Variants in GCNT1 observed in about 807,000 individuals in gnomAD.
GCNT1 encodes the protein beta-1,3-galactosyl-O-glycosyl-glycoprotein beta-1,6-N-acetylglucosaminyltransferase.
Under a neutral mutation model 26.2 loss-of-function variants are expected in GCNT1, and 16 were observed. The observed-to-expected ratio is 0.61, with a 90% CI of 0.41 to 0.93. GCNT1 has a LOEUF of 0.93. Ranked by LOEUF, GCNT1 falls within the 40% of genes least tolerant of loss-of-function variation. The probability of loss-of-function intolerance (pLI) is 0.00; values close to 1 mark genes in which losing one functional copy is unlikely to be tolerated. For missense variants in GCNT1, 477 were observed against 526.7 expected (o/e 0.91, Z 0.92); for synonymous variants, 183 against 190.8 (o/e 0.96, Z 0.34).
At chr9:76,399,350 G>A in the GCNT1 span, 1 of 1,483,410 alleles carries the variant, frequency 6.7e-7, no homozygotes, top group Non-Finnish European at 9.3e-7. Flanking sequence ...GCAGGCTGCT[G>A]CTGAAAAGGC....
At chr9:76,430,690 C>T (rs1285842304) in intron 1 of GCNT1, among the ~76,000 whole-genome samples, 1 of 151,712 alleles carries the variant, frequency 6.6e-6, no homozygotes, top group African/African-American at 2.4e-5. Context: ...CTGGTTAGTC[C>T]TCTTTTTTTT....
chr9:76,430,597 G>T (rs1335917953), intron 1 of GCNT1, among the ~76,000 whole-genome samples: 2 of 151,912 alleles, frequency 1.3e-5, no homozygotes, highest in Non-Finnish European at 2.9e-5. Context: ...TGTTGCCTAG[G>T]CTGGTCATGA....
chr9:76,443,207 T>C (rs1365492924), intron 1 of GCNT1, among the ~76,000 whole-genome samples: 1 of 152,108 alleles, frequency 6.6e-6, no homozygotes, highest in East Asian at 1.9e-4. Context: ...GAAGACCAGC[T>C]CGGTTGGGGA....
chr9:76,433,371 A>G (rs1317023633), intron 1 of GCNT1, among the ~76,000 whole-genome samples: 1 of 152,162 alleles, frequency 6.6e-6, no homozygotes, highest in East Asian at 1.9e-4. Flanking sequence ...GAGGAACTAA[A>G]ACAGCTGTTA....
In GCNT1 at chr9:76,502,457, C is replaced by G. The variant is rs777558421; in HGVS notation, c.76C>G (p.Leu26Val). The stretch of plus-strand genomic sequence containing the variant: ...CTACTTTATGGTTCTTGTTTTATCC[C>G]TAATCACCTTCTCCGTTTTAAGGAT... Reference protein sequence around the residue: ...KYYFMVLVLSLITFSVLRIHQ... With the variant: ...KYYFMVLVLSVITFSVLRIHQ... The change falls in exon 4 of 4, where the codon CTA becomes GTA. Residue 26 changes from leucine (L) to valine (V), a missense_variant. Physicochemically the swap from Leu to Val is conservative, Grantham distance 32. Transcript: ENST00000376730. 1 of 1,613,550 alleles carries G rather than the reference C, an allele frequency of 6.2e-7. No homozygotes were observed. The highest frequency in any genetic ancestry group is 2.2e-5 in the East Asian group (1 of 44,884).
At chr9:76,431,937 C>T (rs1191336399) in intron 1 of GCNT1, among the ~76,000 whole-genome samples, 1 of 152,062 alleles carries the variant, frequency 6.6e-6, no homozygotes, top group African/African-American at 2.4e-5. Flanking sequence ...GGTGAAACCC[C>T]ATCTCTACTA....
chr9:76,494,804 G>A (rs1483055145), intron 2 of GCNT1, among the ~76,000 whole-genome samples: 1 of 152,166 alleles, frequency 6.6e-6, no homozygotes, highest in East Asian at 1.9e-4. Flanking sequence ...TCACTTGGGT[G>A]ATATGACTTG....
chr9:76,481,797 A>G (rs1393022056), intron 2 of GCNT1, among the ~76,000 whole-genome samples: 1 of 152,206 alleles, frequency 6.6e-6, no homozygotes, highest in Non-Finnish European at 1.5e-5. Flanking sequence ...CTCCTGGGCC[A>G]GAGATGAAGT....
Position 76,504,833 on chromosome 9 carries a change from C to A in GCNT1, c.*1165C>A. 1 of 413,446 alleles carries A rather than the reference C, an allele frequency of 2.4e-6. No homozygotes were observed. The highest frequency in any genetic ancestry group is 4.4e-5 in the Admixed American group (1 of 22,738). The allele number at this position is 413,446 out of a possible 1,614,324, so 25.6% of individuals were successfully genotyped here. A position where few individuals can be genotyped will look rare whatever the true frequency, so the allele number is the denominator to read the frequency against. ...GTAAGTTTCCTCCTTTCTCAACCTT[C>A]CACGAGGAGGAAAGAAGTGTGCAGT... On this transcript the variant is annotated 3_prime_UTR_variant, in exon 4 of 4. Transcript: ENST00000376730.
chr9:76,419,160 T>G (rs1023425944), upstream of GCNT1, among the ~76,000 whole-genome samples: 2 of 152,118 alleles, frequency 1.3e-5, no homozygotes, highest in African/African-American at 4.8e-5. Flanking sequence ...CATTCTTTCT[T>G]TCGATTCTCA....
intron 1 of GCNT1, among the ~76,000 whole-genome samples, chr9:76,432,438 G>A (rs1365649817): frequency 6.6e-6 from 1 of 151,998 alleles, no homozygotes; most frequent in Admixed American, 6.6e-5. Context: ...AACCTTCTAG[G>A]CTCAAGCGGT....
chr9:76,476,381 A>G (rs1824251641), intron 2 of GCNT1, among the ~76,000 whole-genome samples: 1 of 151,984 alleles, frequency 6.6e-6, no homozygotes, highest in African/African-American at 2.4e-5. Context: ...TTTCCATAAA[A>G]CCGTGGTGTT....
upstream of GCNT1, among the ~76,000 whole-genome samples, chr9:76,458,960 C>G (rs1823809626): frequency 6.6e-6 from 1 of 152,270 alleles, no homozygotes; most frequent in Admixed American, 6.5e-5. Context: ...TCACACACCT[C>G]TTAAGAATCA....
chr9:76,478,694 G>A (rs574563403), intron 2 of GCNT1, among the ~76,000 whole-genome samples: 28 of 152,234 alleles, frequency 1.8e-4, no homozygotes, highest in African/African-American at 5.3e-4. Flanking sequence ...ATACTGATCC[G>A]TTGTATGGAT....
rs1359346926 is a variant in GCNT1, at chr9:76,504,895, A to T, written c.*1227A>T. 2.4e-6 allele frequency: 1 copy of T among 412,846 alleles called. No homozygotes were observed. The highest frequency in any genetic ancestry group is 4.4e-6 in the Non-Finnish European group (1 of 226,062). 25.6% of individuals were successfully genotyped at this position (412,846 alleles called of 1,614,324 possible). A position where few individuals can be genotyped will look rare whatever the true frequency, so the allele number is the denominator to read the frequency against. On this transcript the variant is annotated 3_prime_UTR_variant, in exon 4 of 4. Coordinates refer to ENST00000376730, the MANE Select transcript of GCNT1 (RefSeq NM_001490.5). ...GCCTGTTGGAAGGCCTGGGGAGGGA[A>T]CTTTGGGTTTGGGACAGATTTTTTT...
intron 2 of GCNT1, among the ~76,000 whole-genome samples, chr9:76,468,031 T>C (rs1824044971): frequency 6.6e-6 from 1 of 150,892 alleles, no homozygotes; most frequent in Non-Finnish European, 1.5e-5. Context: ...CTCAGCCTTC[T>C]GAGTAGCTGG....
chr9:76,461,714 C>T (rs1257207236), intron 2 of GCNT1, among the ~76,000 whole-genome samples: 1 of 151,838 alleles, frequency 6.6e-6, no homozygotes, highest in Admixed American at 6.6e-5. Flanking sequence ...ATGGCAAAAC[C>T]CCATCTCTAC....
chr9:76,506,808 C>T lies in GCNT1; in HGVS notation c.*3140C>T. 1 of 166,842 alleles carries T rather than the reference C, an allele frequency of 6.0e-6. No homozygotes were observed. The highest frequency in any genetic ancestry group is 6.6e-5 in the Admixed American group (1 of 15,242). 10.3% of individuals were successfully genotyped at this position (166,842 alleles called of 1,614,324 possible). A position where few individuals can be genotyped will look rare whatever the true frequency, so the allele number is the denominator to read the frequency against. Reference sequence around the variant, plus strand: ...CACTTAAATAACATAAGTAGATTTTCTCTTGTAGTGATTTGGGTAGGAAGA... The same window carrying T: ...CACTTAAATAACATAAGTAGATTTTTTCTTGTAGTGATTTGGGTAGGAAGA... On this transcript the variant is annotated 3_prime_UTR_variant, in exon 4 of 4. Coordinates refer to ENST00000376730, the MANE Select transcript of GCNT1 (RefSeq NM_001490.5).
At chr9:76,401,925 C>T in the GCNT1 span, among the ~76,000 whole-genome samples, 1 of 152,134 alleles carries the variant, frequency 6.6e-6, no homozygotes, top group African/African-American at 2.4e-5. Context: ...CACTACATTT[C>T]TAAAGAAAGG....
Sources: allele counts gnomAD v4.1 joint callset (sites outside exome capture counted in the v4.1 genomes callset), GRCh38; gene constraint gnomAD v4.1.1; transcripts MANE v1.5; gene names NCBI Gene and HGNC (gene_info 2026-07-23, HGNC 2026-07-21).